The following SNTG1 variants were observed in gnomAD, a reference collection of about 807,000 sequenced individuals.
The protein encoded by SNTG1 is syntrophin gamma 1.
SNTG1 carries 39 observed loss-of-function variants against 74.7 expected under a neutral mutation model. The observed-to-expected ratio is 0.52, with a 90% confidence interval of 0.40 to 0.68. The LOEUF is 0.68. Ranked by LOEUF, SNTG1 falls within the 30% of genes least tolerant of loss-of-function variation. The probability of loss-of-function intolerance (pLI) is 0.00; values close to 1 mark genes in which losing one functional copy is unlikely to be tolerated. For synonymous variants in SNTG1, 254 were observed against 217.1 expected, an observed-to-expected ratio of 1.17 and a Z score of -1.49; for missense variants, 685 against 609.5, an observed-to-expected ratio of 1.12 and a Z score of -1.30.
chr8:50,657,121 T>TA, intron 14 of SNTG1, 96 bp downstream of exon 14: 1 of 556,926 alleles, frequency 1.8e-6, no homozygotes, highest in Non-Finnish European at 3.0e-6. Context: ...TCAATATTTT[T>TA]AAAAAATAAT....
intron 13 of SNTG1, among the ~76,000 whole-genome samples, chr8:50,598,509 C>T (rs553742259): frequency 1.3e-5 from 2 of 151,898 alleles, no homozygotes; most frequent in Non-Finnish European, 1.5e-5. Flanking sequence ...AAAGTCATGT[C>T]GTGTGATGCC....
At chr8:50,107,304 G>A (rs984906705) in intron 1 of SNTG1, among the ~76,000 whole-genome samples, 1 of 152,034 alleles carries the variant, frequency 6.6e-6, no homozygotes, top group African/African-American at 2.4e-5. Flanking sequence ...TTAGCATTCT[G>A]GAAGGAATAT....
At chr8:50,759,445 CT>C (rs978993693) in intron 18 of SNTG1, among the ~76,000 whole-genome samples, 1 of 151,842 alleles carries the variant, frequency 6.6e-6, no homozygotes, top group Non-Finnish European at 1.5e-5. Flanking sequence ...GGTTTTAGGT[CT>C]TTGTTTAAAT....
intron 17 of SNTG1, among the ~76,000 whole-genome samples, chr8:50,721,763 T>C (rs1246768578): frequency 1.3e-5 from 2 of 152,178 alleles, no homozygotes; most frequent in South Asian, 2.1e-4. Context: ...CTTTATTGTA[T>C]ACTGGGAAAT....
chr8:50,679,259 T>C (rs77598403), intron 15 of SNTG1, among the ~76,000 whole-genome samples: 1 of 152,098 alleles, frequency 6.6e-6, no homozygotes, highest in Non-Finnish European at 1.5e-5. Flanking sequence ...AGTTGTTGTA[T>C]GTCTAATTAA....
In SNTG1 at chr8:50,285,814, CAA is replaced by C. The variant is rs71235788; in HGVS notation, c.-27-108386_-27-108385del. 1.5e-3 allele frequency among the ~76,000 whole-genome samples: 197 copies of C among 133,960 alleles called. No individual in the cohort carries two copies. In the South Asian group the frequency reaches 0.016, roughly 11 times the overall value. 87.9% of individuals were successfully genotyped at this position (133,960 alleles called of 152,430 possible). The stretch of plus-strand genomic sequence containing the variant: ...ATCCAACAATAAAACAATATATTTC[CAA>C]AAAAAAAAAAACAAAGGTGCTTATT... On this transcript the variant is annotated intron_variant, in intron 2 of 18. Coordinates refer to ENST00000642720, the MANE Select transcript of SNTG1 (RefSeq NM_018967.5).
intron 10 of SNTG1, among the ~76,000 whole-genome samples, chr8:50,535,227 C>A (rs75151531): frequency 0.052 from 7,870 of 152,182 alleles, 326 homozygotes; most frequent in South Asian, 0.18. Context: ...AAGATAGAGA[C>A]TACAAAACTT....
At chr8:50,116,569 C>T (rs1397378232) in intron 1 of SNTG1, among the ~76,000 whole-genome samples, 1 of 152,162 alleles carries the variant, frequency 6.6e-6, no homozygotes, top group African/African-American at 2.4e-5. Context: ...CGTATTCGTT[C>T]ATTTATAAGA....
chr8:50,017,861 G>A (rs1013471993), intron 1 of SNTG1, among the ~76,000 whole-genome samples: 4 of 151,806 alleles, frequency 2.6e-5, no homozygotes, highest in South Asian at 4.1e-4. Context: ...AAACATCTAC[G>A]CAGAAGATAA....
intron 2 of SNTG1, among the ~76,000 whole-genome samples, chr8:50,208,394 T>C (rs2084347291): frequency 6.6e-6 from 1 of 152,222 alleles, no homozygotes; most frequent in Non-Finnish European, 1.5e-5. Flanking sequence ...CTTGCTTTTT[T>C]TTGTTTTCCA....
At chr8:50,300,324 G>A (rs1244354104) in intron 2 of SNTG1, among the ~76,000 whole-genome samples, 1 of 152,138 alleles carries the variant, frequency 6.6e-6, no homozygotes, top group Non-Finnish European at 1.5e-5. Context: ...TATCTACATA[G>A]TATACATTTT....
At chr8:50,170,119 G>A (rs996471485) in intron 1 of SNTG1, among the ~76,000 whole-genome samples, 70 of 152,106 alleles carry the variant, frequency 4.6e-4, no homozygotes, top group Admixed American at 1.2e-3. Flanking sequence ...TAGTTCTAAT[G>A]TCTGCTCACC....
At chr8:49,931,130 C>T (rs1377070170) in intron 1 of SNTG1, among the ~76,000 whole-genome samples, 1 of 152,090 alleles carries the variant, frequency 6.6e-6, no homozygotes, top group Admixed American at 6.6e-5. Context: ...CAAATTAAAG[C>T]CATAAAAACA....
intron 1 of SNTG1, among the ~76,000 whole-genome samples, chr8:49,959,160 A>G (rs1483738064): frequency 6.6e-6 from 1 of 152,138 alleles, no homozygotes; most frequent in South Asian, 2.1e-4. Flanking sequence ...TATTGCAAGC[A>G]TTTTCTGATT....
rs61540178 is a variant in SNTG1 at position 50,734,956 on chromosome 8, T to G, written c.1285-17045T>G. ...ATATAGATATATATGGACATATATA[T>G]CTATATATCCATATATATCTATCCA... On this transcript the variant is annotated intron_variant, in intron 17 of 18. Transcript: ENST00000642720. 4.1e-4 allele frequency among the ~76,000 whole-genome samples: 25 copies of G among 60,816 alleles called. 3 individuals are homozygous for G. The highest frequency in any genetic ancestry group is 4.5e-4 in the African/African-American group (3 of 6,614). The allele number at this position is 60,816 out of a possible 152,430, so 39.9% of individuals were successfully genotyped here.
chr8:50,776,010 G>A (rs1159878844), intron 18 of SNTG1, among the ~76,000 whole-genome samples: 5 of 151,324 alleles, frequency 3.3e-5, no homozygotes, highest in Non-Finnish European at 1.5e-5. Flanking sequence ...TGAGCTTGTA[G>A]ATAGCATATA....
At chr8:50,722,755 T>C (rs2095490826) in intron 17 of SNTG1, among the ~76,000 whole-genome samples, 1 of 152,214 alleles carries the variant, frequency 6.6e-6, no homozygotes, top group Non-Finnish European at 1.5e-5. Flanking sequence ...ATTTGTTGTG[T>C]TGTTCTTTCT....
At chr8:50,700,836 T>C (rs1023974571) in intron 15 of SNTG1, among the ~76,000 whole-genome samples, 1 of 152,168 alleles carries the variant, frequency 6.6e-6, no homozygotes, top group South Asian at 2.1e-4. Flanking sequence ...GCAGTGTGAG[T>C]CAGTTCATGA....
At position 50,553,044 on chromosome 8, in the gene SNTG1, C is replaced by T. The variant is rs1405104326; in HGVS notation, c.681-6C>T. 14 of 1,613,564 alleles carry T rather than the reference C, an allele frequency of 8.7e-6. No individual in the cohort carries two copies. The highest frequency in any genetic ancestry group is 1.3e-5 in the African/African-American group (1 of 74,906). On this transcript the variant is annotated splice_region_variant and splice_polypyrimidine_tract_variant and intron_variant, in intron 11 of 18. Coordinates refer to ENST00000642720, the MANE Select transcript of SNTG1 (RefSeq NM_018967.5). ...TTTTGATCTGATTTGTTCTGAACAT[C>T]TGCAGGCAGAATGCCTTTCAAGTCA... is the stretch of plus-strand genomic sequence containing the variant.
Sources: gnomAD v4.1 joint callset for allele counts (sites outside exome capture counted in the v4.1 genomes callset) on GRCh38, gnomAD v4.1.1 for gene constraint, MANE v1.5 for transcripts, NCBI Gene and HGNC (gene_info 2026-07-23, HGNC 2026-07-21) for gene names.